The following AATF variants were observed in gnomAD, a reference collection of about 807,000 sequenced individuals.
The protein encoded by AATF is apoptosis antagonizing transcription factor, also known as protein AATF.
A neutral mutation model predicts 63.7 loss-of-function variants in AATF; 48 were observed. The observed-to-expected ratio is 0.75, with a 90% CI of 0.60 to 0.96. The LOEUF is 0.96. AATF is among the 40% of genes least tolerant of loss of function. The pLI is 0.00. For missense variants in AATF, 639 were observed against 685.7 expected, an observed-to-expected ratio of 0.93 and a Z score of 0.76; for synonymous variants, 258 against 247.7, an observed-to-expected ratio of 1.04 and a Z score of -0.39.
chr17:36,991,989 G>T (rs2071219344), intron 8 of AATF, among the ~76,000 whole-genome samples: 1 of 152,154 alleles, frequency 6.6e-6, no homozygotes, highest in African/African-American at 2.4e-5. Context: ...TTATTGTTGA[G>T]CCATTGTTTA....
rs1267233958 is a variant in AATF at position 36,953,281 on chromosome 17, G to A, written c.679G>A (p.Val227Met). 1.9e-5 allele frequency: 30 copies of A among 1,613,464 alleles called. No individual in the cohort carries two copies. The highest frequency in any genetic ancestry group is 1.3e-4 in the Admixed American group (8 of 59,994). ...TGAGGAAGTGGAGAAAGGAAGAGCC[G>A]TGAAGAACCAGATAGGTTTGTACAT... ...VSEEVEKGRA[V>M]KNQIALWDQL... is the part of the protein sequence containing the mutation. The change falls in exon 3 of 12, where the codon GTG becomes ATG. Residue 227 changes from valine to methionine, a missense_variant. Val to Met is a conservative substitution (Grantham distance 21, BLOSUM62 1). Transcript: ENST00000619387.
chr17:36,973,837 G>A (rs560880688), intron 4 of AATF, among the ~76,000 whole-genome samples: 304 of 152,302 alleles, frequency 2.0e-3, no homozygotes, highest in African/African-American at 6.9e-3. Context: ...TTGGGAGGCC[G>A]AGGCAGGTGG....
chr17:37,045,069 G>A (rs1261305304), intron 11 of AATF, among the ~76,000 whole-genome samples: 1 of 152,140 alleles, frequency 6.6e-6, no homozygotes, highest in East Asian at 1.9e-4. Context: ...GGTATTAAGT[G>A]TCAAGCTAAG....
chr17:37,021,082 G>GT lies in AATF; in HGVS notation c.1547+70dup, dbSNP rs1292490880. On this transcript the variant is annotated intron_variant, in intron 10 of 11. Coordinates refer to ENST00000619387, the MANE Select transcript of AATF (RefSeq NM_012138.4). ...GTATCTCGTCTCTTACATTCTGGCT[G>GT]TTATGTCATTTTTCTTTTTCTTCTG... 4.2e-5 allele frequency: 48 copies of GT among 1,151,784 alleles called. No individual in the cohort carries two copies. In the African/African-American group the frequency reaches 6.8e-4, roughly 16 times the overall value. The allele number at this position is 1,151,784 out of a possible 1,614,324, so 71.3% of individuals were successfully genotyped here. A position where few individuals can be genotyped will look rare whatever the true frequency, so the allele number is the denominator to read the frequency against.
At chr17:36,981,573 A>G (rs998063800) in intron 4 of AATF, among the ~76,000 whole-genome samples, 1 of 151,440 alleles carries the variant, frequency 6.6e-6, no homozygotes, top group Non-Finnish European at 1.5e-5. Flanking sequence ...CCTCCCAAGT[A>G]TCAGGGACTA....
chr17:36,964,041 CA>C (rs200680895), intron 4 of AATF, among the ~76,000 whole-genome samples: 1 of 150,038 alleles, frequency 6.7e-6, no homozygotes, highest in East Asian at 2.0e-4. Context: ...AAAAAAGAAA[CA>C]AAAAAAGAGA....
intron 4 of AATF, among the ~76,000 whole-genome samples, chr17:36,978,438 G>C (rs1313561134): frequency 6.6e-6 from 1 of 152,012 alleles, no homozygotes; most frequent in Non-Finnish European, 1.5e-5. Context: ...TCTGAGATAT[G>C]AAAACCCACG....
chr17:36,964,925 T>G (rs1167092996), intron 4 of AATF, among the ~76,000 whole-genome samples: 4 of 152,110 alleles, frequency 2.6e-5, no homozygotes, highest in African/African-American at 4.8e-5. Flanking sequence ...AGCTACCGCT[T>G]TCGGGTTTTC....
At chr17:36,952,831 G>T in intron 2 of AATF, 55 bp from the exon 3 acceptor site, 8 of 1,570,916 alleles carry the variant, frequency 5.1e-6, no homozygotes, top group Non-Finnish European at 1.7e-6. Flanking sequence ...TCTATGGCTT[G>T]GTATTTTCTC....
rs945621535 is a variant in AATF, at chr17:37,031,744, G to C, written c.1619+59G>C. On this transcript the variant is annotated intron_variant, in intron 11 of 11. Transcript: ENST00000619387. ...CTTCATGACAGCCTGATATTGACCTGCTCTACAGCCTTCGCCCTCTCCATT... is the reference window on the plus strand; with the variant it reads ...CTTCATGACAGCCTGATATTGACCTCCTCTACAGCCTTCGCCCTCTCCATT... 5.2e-6 allele frequency: 7 copies of C among 1,344,986 alleles called. No homozygotes were observed. In the African/African-American group the frequency reaches 1.0e-4, roughly 19 times the overall value. 83.3% of individuals were successfully genotyped at this position (1,344,986 alleles called of 1,614,324 possible). A position where few individuals can be genotyped will look rare whatever the true frequency, so the allele number is the denominator to read the frequency against.
intron 8 of AATF, among the ~76,000 whole-genome samples, chr17:37,018,251 A>G (rs1009966493): frequency 6.6e-6 from 1 of 152,246 alleles, no homozygotes; most frequent in African/African-American, 2.4e-5. Flanking sequence ...TGAAAGGTAC[A>G]GATGTAGATT....
At chr17:36,973,175 T>C (rs536368823) in intron 4 of AATF, among the ~76,000 whole-genome samples, 61 of 152,232 alleles carry the variant, frequency 4.0e-4, no homozygotes, top group Admixed American at 1.0e-3. Context: ...TCACAACTCA[T>C]TGAAACTCCT....
chr17:36,991,231 G>T (rs191011799), intron 8 of AATF, among the ~76,000 whole-genome samples: 5 of 152,236 alleles, frequency 3.3e-5, no homozygotes, highest in African/African-American at 1.2e-4. Flanking sequence ...GGAGCTGGAG[G>T]GCTGGGATCC....
At chr17:37,050,062 G>A (rs146866676) in intron 11 of AATF, among the ~76,000 whole-genome samples, 1 of 152,246 alleles carries the variant, frequency 6.6e-6, no homozygotes, top group East Asian at 1.9e-4. Flanking sequence ...AACTGAGGCC[G>A]CTGAACCCGG....
intron 11 of AATF, among the ~76,000 whole-genome samples, chr17:37,050,939 G>GTATT (rs763618903): frequency 6.6e-6 from 1 of 152,136 alleles, no homozygotes; most frequent in Non-Finnish European, 1.5e-5. Flanking sequence ...ATCATTTTAT[G>GTATT]TATTTATTTA....
intron 4 of AATF, among the ~76,000 whole-genome samples, chr17:36,982,093 G>A (rs752092057): frequency 3.9e-5 from 6 of 152,014 alleles, no homozygotes; most frequent in Non-Finnish European, 8.8e-5. Context: ...ATTGGAAATA[G>A]TATTTGTCTT....
intron 4 of AATF, among the ~76,000 whole-genome samples, chr17:36,960,718 G>T (rs954376983): frequency 6.1e-4 from 93 of 152,100 alleles, no homozygotes; most frequent in African/African-American, 2.1e-3. Context: ...ACTTGGGATG[G>T]GTTTAAGTAT....
Position 37,056,674 on chromosome 17 carries a change from C to A in AATF, c.*10C>A. ...AGGCCACGGGGATTGACATCGCCCA[C>A]CTCCGACACCCAGTGGGCGCCTTGG... On this transcript the variant is annotated 3_prime_UTR_variant, in exon 12 of 12. Transcript: ENST00000619387. The A allele has an allele frequency of 1.2e-6, 2 of 1,614,170 alleles. No individual in the cohort carries two copies. Among genetic ancestry groups the A allele is most frequent in the Non-Finnish European group, 1.7e-6 (2 of 1,180,012 alleles).
Position 36,951,727 on chromosome 17 carries a change from C to T in AATF, c.284-1159C>T, listed in dbSNP as rs367732823. 5.3e-5 allele frequency among the ~76,000 whole-genome samples: 8 copies of T among 152,250 alleles called. No individual in the cohort carries two copies. In the East Asian group the frequency reaches 7.7e-4, roughly 15 times the overall value. ...GAATGTTTCTTAATCTGAGAAATGG[C>T]GTACATTCAAAGAATTTAAATAATA... On this transcript the variant is annotated intron_variant, in intron 2 of 11. Coordinates refer to ENST00000619387, the MANE Select transcript of AATF (RefSeq NM_012138.4).
Sources: allele counts gnomAD v4.1 joint callset (sites outside exome capture counted in the v4.1 genomes callset), GRCh38; gene constraint gnomAD v4.1.1; transcripts MANE v1.5; gene names NCBI Gene and HGNC (gene_info 2026-07-23, HGNC 2026-07-21).